The following CEMIP variants were observed in gnomAD, a reference collection of about 807,000 sequenced individuals.
The protein encoded by CEMIP is cell migration inducing hyaluronidase 1, also known as cell migration-inducing and hyaluronan-binding protein.
In CEMIP, 105 loss-of-function variants were observed where a neutral mutation model predicts 156.9. That is an observed-to-expected ratio of 0.67 (90% CI 0.57 to 0.79). The LOEUF (loss-of-function observed/expected upper bound fraction) is 0.79. Among genes scored for constraint, CEMIP ranks in the 30% least tolerant of loss-of-function variants. CEMIP has a pLI of 0.00. For missense variants in CEMIP, 1,457 were observed against 1,769.4 expected (o/e 0.82, Z 3.17); for synonymous variants, 676 against 668.4 (o/e 1.01, Z -0.17).
At chr15:80,781,570 TA>T (rs2141552004) in intron 1 of CEMIP, among the ~76,000 whole-genome samples, 1 of 152,340 alleles carries the variant, frequency 6.6e-6, no homozygotes, top group East Asian at 1.9e-4. Flanking sequence ...TATCTTCCTT[TA>T]TTTTAAAATT....
intron 28 of CEMIP, among the ~76,000 whole-genome samples, chr15:80,943,813 C>T (rs1410100893): frequency 2.0e-5 from 3 of 152,222 alleles, no homozygotes; most frequent in African/African-American, 7.2e-5. Context: ...ACGGGCCTCC[C>T]TCTTCCAGTT....
chr15:80,943,228 C>T, intron 28 of CEMIP, 126 bp downstream of exon 28: 1 of 1,017,104 alleles, frequency 9.8e-7, no homozygotes, highest in Non-Finnish European at 1.6e-6. Context: ...GTCTCCACAG[C>T]CTGCCCACAA....
chr15:80,787,871 C>G (rs531153772), intron 1 of CEMIP, among the ~76,000 whole-genome samples: 23 of 152,364 alleles, frequency 1.5e-4, no homozygotes, highest in African/African-American at 5.3e-4. Context: ...GACAAAAACA[C>G]TGATGCTCAG....
At chr15:80,797,638 A>G (rs1000681744) in intron 1 of CEMIP, among the ~76,000 whole-genome samples, 3 of 130,130 alleles carry the variant, frequency 2.3e-5, no homozygotes, top group Non-Finnish European at 3.2e-5. Context: ...AGAAACGTAC[A>G]AAAACTAACA....
chr15:80,879,741 C>A lies in CEMIP; in HGVS notation c.267C>A (p.Asp89Glu), dbSNP rs147426682. Residue 89 changes from aspartate (D) to glutamate (E), a missense_variant, in exon 5 of 30, where the codon GAC becomes GAA. By Grantham distance (45) the Asp-to-Glu change is conservative. Around this residue, in one of 5 missense-constraint regions of CEMIP, gnomAD observed 309 missense variants for 340.8 expected, o/e 0.91. Coordinates refer to ENST00000394685, the MANE Select transcript of CEMIP (RefSeq NM_001293298.2). ...GCAAGCTGGTCATTAAAGACCACGA[C>A]GAGCCGATTGTTTTGCGAACCCGGC... ...EGGKLVIKDH[D>E]EPIVLRTRHI... 6 of 1,614,082 alleles carry A rather than the reference C, an allele frequency of 3.7e-6. No homozygotes were observed. Among genetic ancestry groups the A allele is most frequent in the Admixed American group, 1.7e-5 (1 of 60,000 alleles).
At chr15:80,821,261 C>T (rs958182108) in intron 1 of CEMIP, among the ~76,000 whole-genome samples, 2 of 152,174 alleles carry the variant, frequency 1.3e-5, no homozygotes, top group African/African-American at 2.4e-5. Flanking sequence ...CATTCAGGAA[C>T]CTTAATTTCT....
At chr15:80,821,966 A>C (rs1443277197) in intron 1 of CEMIP, among the ~76,000 whole-genome samples, 2 of 152,196 alleles carry the variant, frequency 1.3e-5, no homozygotes, top group East Asian at 3.8e-4. Context: ...GAAGAGTGAC[A>C]CAGCTGGTTT....
chr15:80,932,169 G>T lies in CEMIP; in HGVS notation c.2793+130G>T. 1.9e-6 allele frequency: 2 copies of T among 1,052,616 alleles called. No homozygotes were observed. The highest frequency in any genetic ancestry group is 2.9e-6 in the Non-Finnish European group (2 of 697,618). The allele number at this position is 1,052,616 out of a possible 1,614,324, so 65.2% of individuals were successfully genotyped here. A position where few individuals can be genotyped will look rare whatever the true frequency, so the allele number is the denominator to read the frequency against. ...TTGAGAAGCCTCCTCCAACTAGGCT[G>T]GGCCATGTCCCAGTTTGCTCTTCAT... On this transcript the variant is annotated intron_variant, in intron 22 of 29. Transcript: ENST00000394685. The surrounding 1 kb of genome is among the most constrained non-coding windows in gnomAD (Gnocchi z 4.5).
chr15:80,808,641 G>T (rs903865393), intron 1 of CEMIP, among the ~76,000 whole-genome samples: 1 of 152,040 alleles, frequency 6.6e-6, no homozygotes, highest in Admixed American at 6.6e-5. Flanking sequence ...GCATGGAAAG[G>T]TAGAGAAAAA....
chr15:80,784,151 T>G (rs1895867668), intron 1 of CEMIP, among the ~76,000 whole-genome samples: 1 of 152,174 alleles, frequency 6.6e-6, no homozygotes, highest in Admixed American at 6.5e-5. Context: ...TATCAGGGGT[T>G]TAGATGCAAC....
At chr15:80,835,520 C>T (rs996331358) in intron 1 of CEMIP, among the ~76,000 whole-genome samples, 4 of 152,228 alleles carry the variant, frequency 2.6e-5, no homozygotes, top group African/African-American at 4.8e-5. Context: ...GCAGGGGCAG[C>T]CAATCTCTGC....
chr15:80,881,431 C>A (rs186125181), intron 6 of CEMIP, among the ~76,000 whole-genome samples: 21 of 152,142 alleles, frequency 1.4e-4, no homozygotes, highest in African/African-American at 5.1e-4. Context: ...GGGAAGACCA[C>A]TTTGGATAGG....
intron 1 of CEMIP, among the ~76,000 whole-genome samples, chr15:80,822,404 TCCCTTTCCAAC>T (rs1213444171): frequency 6.6e-6 from 1 of 152,208 alleles, no homozygotes; most frequent in Non-Finnish European, 1.5e-5. Context: ...CACAGCTCTG[TCCCTTTCCAAC>T]CCAAATCCAG....
chr15:80,935,825 G>A (rs548540792), intron 23 of CEMIP, among the ~76,000 whole-genome samples: 9 of 151,884 alleles, frequency 5.9e-5, no homozygotes, highest in East Asian at 5.9e-4. Context: ...TGCAACCCCC[G>A]CCTCCCAGGT....
intron 1 of CEMIP, among the ~76,000 whole-genome samples, chr15:80,802,826 G>A (rs992947130): frequency 2.0e-5 from 3 of 152,294 alleles, no homozygotes; most frequent in African/African-American, 4.8e-5. Context: ...ACTTCTCCAG[G>A]CCTGTGTTTT....
chr15:80,924,734 C>T, intron 18 of CEMIP, 28 bp downstream of exon 18: 2 of 1,596,032 alleles, frequency 1.3e-6, no homozygotes, highest in Non-Finnish European at 1.7e-6. Flanking sequence ...AGACACAGTC[C>T]ACGGTGACCT....
At chr15:80,855,934 T>G (rs777939923) in intron 1 of CEMIP, among the ~76,000 whole-genome samples, 1 of 152,246 alleles carries the variant, frequency 6.6e-6, no homozygotes, top group Non-Finnish European at 1.5e-5. Context: ...TCTTTGCCAT[T>G]CTAGGAAATT....
At chr15:80,804,400 G>C (rs1896457987) in intron 1 of CEMIP, among the ~76,000 whole-genome samples, 1 of 152,196 alleles carries the variant, frequency 6.6e-6, no homozygotes, top group Admixed American at 6.5e-5. Context: ...ATTGTGGTTT[G>C]GTGGAAAGAG....
rs1901135410 is a variant in CEMIP, at chr15:80,936,728, G to C, written c.3064G>C (p.Asp1022His). 6.2e-7 allele frequency: 1 copy of C among 1,614,050 alleles called. No individual in the cohort carries two copies. The highest frequency in any genetic ancestry group is 1.3e-5 in the African/African-American group (1 of 74,932). The stretch of plus-strand genomic sequence containing the variant: ...CCTGCGAATGAAGATCATCAAGAAT[G>C]ACTTCCCCAGCCACCCTCTTTACCT... ...SNLRMKIIKN[D>H]FPSHPLYLEG... The change falls in exon 24 of 30, where the codon GAC becomes CAC. Residue 1022 changes from aspartate (D) to histidine (H), a missense_variant. This residue lies in a region of CEMIP where 798 missense variants were observed against 980.1 expected (regional missense o/e 0.81). Transcript: ENST00000394685.
Sources: allele counts gnomAD v4.1 joint callset (sites outside exome capture counted in the v4.1 genomes callset), GRCh38; gene constraint gnomAD v4.1.1; regional missense constraint gnomAD v4.1.1; non-coding constraint Gnocchi (gnomAD v3.1); transcripts MANE v1.5; gene names NCBI Gene and HGNC (gene_info 2026-07-23, HGNC 2026-07-21).